TRPC3: variants seen among roughly 807,000 people sequenced by gnomAD.
TRPC3 encodes short transient receptor potential channel 3.
In TRPC3, 54 loss-of-function variants were observed where a neutral mutation model predicts 90.9. The observed-to-expected ratio is 0.59, with a 90% CI of 0.48 to 0.75. The LOEUF (loss-of-function observed/expected upper bound fraction) is 0.75. Among genes scored for constraint, TRPC3 ranks in the 30% least tolerant of loss-of-function variants. TRPC3 has a pLI of 0.00. For synonymous variants in TRPC3, 424 were observed against 450.9 expected, an observed-to-expected ratio of 0.94 and a Z score of 0.75; for missense variants, 918 against 1,194.5, an observed-to-expected ratio of 0.77 and a Z score of 3.41.
At chr4:121,899,739 T>C in intron 9 of TRPC3, 44 bp from the exon 10 acceptor site, 1 of 1,385,520 alleles carries the variant, frequency 7.2e-7, no homozygotes, top group Non-Finnish European at 1.0e-6. Flanking sequence ...AATACATTCA[T>C]TTGGAATAAA....
chr4:121,939,629 G>A (rs906656572), intron 1 of TRPC3, among the ~76,000 whole-genome samples: 1 of 152,264 alleles, frequency 6.6e-6, no homozygotes, highest in African/African-American at 2.4e-5. Context: ...CCTCTGTGGT[G>A]TGGACACTGC....
Position 121,878,268 on chromosome 4 carries a change from A to C in TRPC3, c.*1468T>G, listed in dbSNP as rs773681874. On this transcript the variant is annotated 3_prime_UTR_variant, in exon 12 of 12. Coordinates refer to ENST00000379645, the MANE Select transcript of TRPC3 (RefSeq NM_001130698.2). ...TCCCAAAAAGTAGAAATTAAGAAAT[A>C]ATCTTTAAAGAGCTTTATGTAGTTC... Among the ~76,000 whole-genome samples the C allele has an allele frequency of 2.6e-4, 39 of 152,250 alleles. No individual in the cohort carries two copies. The highest frequency in any genetic ancestry group is 5.0e-4 in the Non-Finnish European group (34 of 68,040).
chr4:121,935,593 T>C (rs1730104691), intron 1 of TRPC3, among the ~76,000 whole-genome samples: 3 of 152,206 alleles, frequency 2.0e-5, no homozygotes, highest in Admixed American at 2.0e-4. Context: ...TGGTACTGAC[T>C]TCATTGGGTT....
chr4:121,946,564 A>G (rs1307594156), intron 1 of TRPC3, among the ~76,000 whole-genome samples: 1 of 152,250 alleles, frequency 6.6e-6, no homozygotes, highest in African/African-American at 2.4e-5. Context: ...AAATTGTGAT[A>G]AACCATCTTG....
rs1727811698 is a variant in TRPC3 at position 121,877,874 on chromosome 4, T to C, written c.*1862A>G. ...TTCTCTGATCTTCAGATTCCAAGAA[T>C]CTTAGGCTGAATGTCCCCAGCTGAA... On this transcript the variant is annotated 3_prime_UTR_variant, in exon 12 of 12. Coordinates refer to ENST00000379645, the MANE Select transcript of TRPC3 (RefSeq NM_001130698.2). Among the ~76,000 whole-genome samples, 1 of 151,722 alleles carries C rather than the reference T, an allele frequency of 6.6e-6. No individual in the cohort carries two copies. The highest frequency in any genetic ancestry group is 2.4e-5 in the African/African-American group (1 of 41,328).
At chr4:121,947,851 G>T (rs1035067583) in intron 1 of TRPC3, among the ~76,000 whole-genome samples, 4 of 152,154 alleles carry the variant, frequency 2.6e-5, no homozygotes, top group African/African-American at 9.7e-5. Flanking sequence ...AAAATCTAAT[G>T]ATTTTGTGCA....
At chr4:121,903,198 C>CT (rs1728763266) in intron 8 of TRPC3, 137 bp from the exon 9 acceptor site, 1 of 669,004 alleles carries the variant, frequency 1.5e-6, no homozygotes, top group Non-Finnish European at 2.4e-6. Flanking sequence ...TACATATATT[C>CT]TATAGACCTA....
chr4:121,882,964 G>A (rs1332512454), intron 10 of TRPC3, among the ~76,000 whole-genome samples: 1 of 151,820 alleles, frequency 6.6e-6, no homozygotes, highest in Non-Finnish European at 1.5e-5. Context: ...ATTACTGTAA[G>A]TATTATATTT....
chr4:121,916,718 A>ATT (rs34897041), intron 3 of TRPC3, among the ~76,000 whole-genome samples: 62 of 148,684 alleles, frequency 4.2e-4, no homozygotes, highest in Middle Eastern at 3.5e-3. Context: ...GTAAGAAATA[A>ATT]TTTTTTTTTT....
intron 10 of TRPC3, among the ~76,000 whole-genome samples, chr4:121,893,945 G>A (rs1728421369): frequency 6.6e-6 from 1 of 151,978 alleles, no homozygotes; most frequent in Non-Finnish European, 1.5e-5. Flanking sequence ...GTAACACACT[G>A]TTTGTAAATT....
intron 6 of TRPC3, 147 bp from the exon 7 acceptor site, chr4:121,907,714 G>A (rs1728937114): frequency 1.2e-6 from 1 of 857,166 alleles, no homozygotes; most frequent in East Asian, 2.7e-5. Context: ...ACTGTCCAGG[G>A]ACTATTTTCA....
At chr4:121,914,178 C>A (rs1458875323) in intron 4 of TRPC3, among the ~76,000 whole-genome samples, 1 of 152,098 alleles carries the variant, frequency 6.6e-6, no homozygotes, top group African/African-American at 2.4e-5. Flanking sequence ...CCAAGCAAAA[C>A]CAAATAAACA....
chr4:121,951,269 C>T lies in TRPC3; in HGVS notation c.215+197G>A, dbSNP rs370368440. ...CGCACTCGGCAGCCCCTGTGTCCCT[C>T]CACCGCGCGGGACCGAGGGGGCGAG... is the stretch of plus-strand genomic sequence containing the variant. On this transcript the variant is annotated intron_variant, in intron 1 of 11. Transcript: ENST00000379645. The surrounding 1 kb of genome is among the most constrained non-coding windows in gnomAD (Gnocchi z 4.4). 3.0e-3 allele frequency among the ~76,000 whole-genome samples: 459 copies of T among 152,230 alleles called. 6 individuals are homozygous for T. Among genetic ancestry groups the T allele is most frequent in the African/African-American group, 0.01 (433 of 41,564 alleles).
chr4:121,899,493 C>T (rs905126885), intron 10 of TRPC3, 119 bp downstream of exon 10: 10 of 725,988 alleles, frequency 1.4e-5, no homozygotes, highest in African/African-American at 1.1e-4. Flanking sequence ...CTGAACTATC[C>T]TCATGGTATA....
intron 1 of TRPC3, chr4:121,933,285 G>T (rs974598364): frequency 5.2e-5 from 33 of 639,410 alleles, no homozygotes; most frequent in Non-Finnish European, 5.4e-5. Flanking sequence ...CTATTCTCTA[G>T]AAAATGATAT....
At chr4:121,924,830 T>G (rs945509866) in intron 3 of TRPC3, among the ~76,000 whole-genome samples, 188 bp downstream of exon 3, 7 of 152,214 alleles carry the variant, frequency 4.6e-5, no homozygotes, top group African/African-American at 1.7e-4. Flanking sequence ...CCCAAAGTGC[T>G]GGGATTACAG....
Position 121,911,888 on chromosome 4 carries a change from A to C in TRPC3, c.1547T>G (p.Val516Gly). Residue 516 changes from valine to glycine, a missense_variant, in exon 5 of 12, where the codon GTC becomes GGC. Val to Gly is a moderately radical substitution (Grantham distance 109). Coordinates refer to ENST00000379645, the MANE Select transcript of TRPC3 (RefSeq NM_001130698.2). The part of the protein sequence containing the change: ...QFTWTEMLIM[V>G]WVLGMMWSEC... The stretch of plus-strand genomic sequence containing the variant: ...AATAAAAGACTTACCAAGAACCCAG[A>C]CCATAATTAGCATTTCAGTCCATGT... 1.2e-6 allele frequency: 2 copies of C among 1,612,982 alleles called. No homozygotes were observed. Among genetic ancestry groups the C allele is most frequent in the Non-Finnish European group, 1.7e-6 (2 of 1,179,330 alleles).
intron 1 of TRPC3, among the ~76,000 whole-genome samples, chr4:121,939,964 T>C (rs941283510): frequency 3.3e-5 from 5 of 152,222 alleles, no homozygotes; most frequent in African/African-American, 1.2e-4. Context: ...GAAAGGGTAG[T>C]TCCCGAGAGC....
At chr4:121,897,910 T>A (rs776522002) in intron 10 of TRPC3, among the ~76,000 whole-genome samples, 14 of 152,098 alleles carry the variant, frequency 9.2e-5, no homozygotes, top group Non-Finnish European at 1.5e-5. Flanking sequence ...CCTAGGTGTC[T>A]AACAGCAGAT....
Sources: gnomAD v4.1 joint callset for allele counts (sites outside exome capture counted in the v4.1 genomes callset) on GRCh38, gnomAD v4.1.1 for gene constraint, Gnocchi (gnomAD v3.1) non-coding constraint, MANE v1.5 for transcripts, NCBI Gene and HGNC (gene_info 2026-07-23, HGNC 2026-07-21) for gene names.